Variants in DMD observed in about 807,000 individuals in gnomAD.
DMD encodes the protein mutant dystrophin.
A neutral mutation model predicts 330.1 loss-of-function variants in DMD; 63 were observed. That is an observed-to-expected ratio of 0.19 (90% CI 0.16 to 0.24). The LOEUF is 0.24. DMD is among the 10% of genes least tolerant of loss of function. The pLI, the probability that DMD is intolerant of heterozygous loss-of-function variation, is 1.00. For synonymous variants in DMD, 1,223 were observed against 959.8 expected (o/e 1.27, Z -5.07); for missense variants, 3,344 against 2,684.1 (o/e 1.25, Z -5.43).
At chrX:33,121,947 C>T (rs73453832) in intron 1 of DMD, among the ~76,000 whole-genome samples, 8,181 of 111,917 alleles carry the variant, frequency 0.073, 761 homozygotes, top group African/African-American at 0.25. Flanking sequence ...TTAAATCAGC[C>T]GGCCATGGTG....
chrX:32,923,479 T>G (rs5972711), intron 2 of DMD, among the ~76,000 whole-genome samples: 21,865 of 109,429 alleles, frequency 0.2, 1,817 homozygotes, highest in African/African-American at 0.29. Flanking sequence ...GAGAATCGCT[T>G]AACCCCGGGA....
At chrX:31,647,860 T>C (rs944698219) in intron 54 of DMD, among the ~76,000 whole-genome samples, 2 of 112,395 alleles carry the variant, frequency 1.8e-5, no homozygotes, top group East Asian at 5.6e-4. Flanking sequence ...TATTAGAAGA[T>C]ATTTGAAACA....
At chrX:33,103,934 T>C (rs1277230084) in intron 1 of DMD, among the ~76,000 whole-genome samples, 1 of 111,782 alleles carries the variant, frequency 8.9e-6, no homozygotes, top group Non-Finnish European at 1.9e-5. Flanking sequence ...TCTTTAAATA[T>C]ATTTTTCCTA....
At chrX:31,142,598 A>G (rs1319101258) in intron 76 of DMD, among the ~76,000 whole-genome samples, 3 of 112,396 alleles carry the variant, frequency 2.7e-5, no homozygotes, top group Non-Finnish European at 5.6e-5. Flanking sequence ...TCAAATGTAC[A>G]TGATAAATTT....
intron 1 of DMD, among the ~76,000 whole-genome samples, chrX:33,051,644 C>CTTTTTTTTTTTTTT (rs1569551755): frequency 9.9e-5 from 8 of 80,698 alleles, no homozygotes; most frequent in African/African-American, 4.9e-4. Context: ...TAATTACGCT[C>CTTTTTTTTTTTTTT]TATTTTTTTT....
intron 5 of DMD, among the ~76,000 whole-genome samples, chrX:32,819,579 T>C (rs2078051411): frequency 8.9e-6 from 1 of 111,965 alleles, no homozygotes; most frequent in Non-Finnish European, 1.9e-5. Context: ...CTAGCAATTT[T>C]ATTTGAGATG....
intron 5 of DMD, among the ~76,000 whole-genome samples, chrX:32,821,918 T>C (rs1425162735): frequency 9.1e-6 from 1 of 109,600 alleles, no homozygotes; most frequent in Non-Finnish European, 1.9e-5. Flanking sequence ...CAAATTTTAA[T>C]GAACGTGGTG....
intron 51 of DMD, among the ~76,000 whole-genome samples, chrX:31,755,585 C>T (rs958786266): frequency 1.8e-5 from 2 of 111,566 alleles, no homozygotes; most frequent in Admixed American, 9.6e-5. Context: ...GTTGGCCTTG[C>T]ATAATAGTGT....
At chrX:32,481,595 C>A (rs1203584937) in intron 21 of DMD, among the ~76,000 whole-genome samples, 2 of 111,270 alleles carry the variant, frequency 1.8e-5, no homozygotes, top group Non-Finnish European at 3.8e-5. Flanking sequence ...TCTGGACATG[C>A]CAAGCCCTCA....
In DMD at chrX:32,463,461, T is replaced by G; in HGVS notation, c.3410A>C (p.Gln1137Pro). Reference protein sequence around the residue: ...LETELKELNTQWDHMCQQVYA... With the variant: ...LETELKELNTPWDHMCQQVYA... ...TACCTGTTGGCACATGTGATCCCAC[T>G]GAGTGTTAAGTTCTTTGAGTTCTGT... Residue 1137 changes from glutamine (Q) to proline (P), a missense_variant, in exon 25 of 79, where the codon CAG becomes CCG. Gln to Pro is a moderately conservative substitution (Grantham distance 76, BLOSUM62 -1). Coordinates refer to ENST00000357033, the MANE Select transcript of DMD (RefSeq NM_004006.3). 8.3e-7 allele frequency: 1 copy of G among 1,208,507 alleles called. No homozygotes were observed. Among genetic ancestry groups the G allele is most frequent in the East Asian group, 3.0e-5 (1 of 33,712 alleles).
chrX:32,642,894 A>G (rs1042619763), intron 11 of DMD, among the ~76,000 whole-genome samples: 4 of 111,298 alleles, frequency 3.6e-5, no homozygotes, highest in African/African-American at 1.3e-4. Context: ...GGATTTTCAA[A>G]ACTTTCTAAT....
chrX:31,716,856 C>T (rs12116317), intron 52 of DMD, among the ~76,000 whole-genome samples: 6,551 of 89,573 alleles, frequency 0.073, 186 homozygotes, highest in African/African-American at 0.093. Context: ...CACACACACA[C>T]ATATATATAT....
intron 50 of DMD, among the ~76,000 whole-genome samples, chrX:31,776,215 A>G (rs967657420): frequency 9.0e-6 from 1 of 111,403 alleles, no homozygotes; most frequent in African/African-American, 3.3e-5. Context: ...AACTAACTGC[A>G]GAACACCAGG....
intron 44 of DMD, among the ~76,000 whole-genome samples, chrX:32,092,638 T>C (rs1430761213): frequency 9.2e-6 from 1 of 109,127 alleles, no homozygotes; most frequent in Non-Finnish European, 1.9e-5. Flanking sequence ...TAATGTAATA[T>C]ATCAATACAA....
At chrX:32,050,543 T>C (rs1177498598) in intron 44 of DMD, among the ~76,000 whole-genome samples, 1 of 111,922 alleles carries the variant, frequency 8.9e-6, no homozygotes, top group African/African-American at 3.2e-5. Flanking sequence ...AAATGTACAA[T>C]TAAACCTGCT....
intron 47 of DMD, among the ~76,000 whole-genome samples, chrX:31,899,905 C>T: frequency 9.0e-6 from 1 of 111,428 alleles, no homozygotes; most frequent in East Asian, 2.8e-4. Context: ...CCCACACAAA[C>T]TGCAATGCCT....
chrX:33,120,439 C>A (rs1414945053), intron 1 of DMD, among the ~76,000 whole-genome samples: 3 of 111,478 alleles, frequency 2.7e-5, no homozygotes, highest in African/African-American at 9.8e-5. Flanking sequence ...TTAACACAAC[C>A]CCTCATATTT....
At chrX:32,815,516 T>TACACACACACACACACAC (rs1231062329) in intron 6 of DMD, among the ~76,000 whole-genome samples, 7 of 47,303 alleles carry the variant, frequency 1.5e-4, no homozygotes, top group African/African-American at 5.3e-4. Flanking sequence ...TATATATATA[T>TACACACACACACACACAC]ATATACACAC....
chrX:32,169,342 A>G (rs2096879269), intron 44 of DMD, among the ~76,000 whole-genome samples: 1 of 111,947 alleles, frequency 8.9e-6, no homozygotes, highest in Non-Finnish European at 1.9e-5. Context: ...AACTTGCATT[A>G]TATATATTTC....
Sources: gnomAD v4.1 joint callset for allele counts (sites outside exome capture counted in the v4.1 genomes callset) on GRCh38, gnomAD v4.1.1 for gene constraint, MANE v1.5 for transcripts, NCBI Gene and HGNC (gene_info 2026-07-23, HGNC 2026-07-21) for gene names.